SAMD3: variants seen among roughly 807,000 people sequenced by gnomAD.
The protein encoded by SAMD3 is sterile alpha motif domain containing 3, also known as sterile alpha motif domain-containing protein 3.
A neutral mutation model predicts 58.5 loss-of-function variants in SAMD3; 63 were observed. That is an observed-to-expected ratio of 1.08 (90% CI 0.88 to 1.33). SAMD3 has a LOEUF of 1.33. Among genes scored for constraint, SAMD3 ranks in the 40% most tolerant of loss-of-function variants. The pLI, the probability that SAMD3 is intolerant of heterozygous loss-of-function variation, is 0.00. For missense variants in SAMD3, 604 were observed against 608.4 expected (o/e 0.99, Z 0.08); for synonymous variants, 220 against 210.3 (o/e 1.05, Z -0.40).
intron 7 of SAMD3, among the ~76,000 whole-genome samples, chr6:130,179,789 A>T (rs1368043514): frequency 2.7e-5 from 4 of 149,146 alleles, no homozygotes; most frequent in African/African-American, 9.8e-5. Flanking sequence ...TATTGTGGTT[A>T]TATAAGAGAT....
At chr6:130,349,947 A>G (rs1777600222) in intron 1 of SAMD3, among the ~76,000 whole-genome samples, 1 of 152,242 alleles carries the variant, frequency 6.6e-6, no homozygotes, top group South Asian at 2.1e-4. Flanking sequence ...AATCCAGCAT[A>G]TAAACAGAAC....
chr6:130,336,432 T>C (rs1777103207), intron 1 of SAMD3, among the ~76,000 whole-genome samples: 1 of 152,178 alleles, frequency 6.6e-6, no homozygotes, highest in Non-Finnish European at 1.5e-5. Flanking sequence ...AAAGTTTTGT[T>C]CTAAAAAAAG....
chr6:130,349,352 A>G (rs1386831294), intron 1 of SAMD3, among the ~76,000 whole-genome samples: 1 of 152,202 alleles, frequency 6.6e-6, no homozygotes, highest in Non-Finnish European at 1.5e-5. Context: ...AAAGAAGAAA[A>G]GAGAGAAGAA....
At chr6:130,175,289 G>A (rs1791618452) in intron 8 of SAMD3, among the ~76,000 whole-genome samples, 1 of 152,306 alleles carries the variant, frequency 6.6e-6, no homozygotes, top group Non-Finnish European at 1.5e-5. Flanking sequence ...TGACCTCCCA[G>A]GTGCTGAGGG....
intron 2 of SAMD3, among the ~76,000 whole-genome samples, chr6:130,264,719 T>C (rs1774274719): frequency 6.6e-6 from 1 of 152,296 alleles, no homozygotes; most frequent in Non-Finnish European, 1.5e-5. Context: ...TGACAGTTAA[T>C]AAAAATGTAG....
At chr6:130,268,247 G>C (rs930201867) in intron 2 of SAMD3, among the ~76,000 whole-genome samples, 8 of 151,854 alleles carry the variant, frequency 5.3e-5, no homozygotes, top group African/African-American at 1.9e-4. Flanking sequence ...TACAGACTAA[G>C]GATACAAGAA....
intron 2 of SAMD3, among the ~76,000 whole-genome samples, chr6:130,281,096 C>T (rs929914498): frequency 1.3e-5 from 2 of 150,484 alleles, no homozygotes; most frequent in Non-Finnish European, 2.9e-5. Flanking sequence ...CAACAACATA[C>T]TGTAATGCAA....
intron 1 of SAMD3, among the ~76,000 whole-genome samples, chr6:130,338,238 G>T (rs896427651): frequency 6.6e-6 from 1 of 152,212 alleles, no homozygotes; most frequent in Non-Finnish European, 1.5e-5. Flanking sequence ...TCCAAGTAGT[G>T]TTTGGCCTTT....
chr6:130,145,380 A>G lies in SAMD3; in HGVS notation c.1238T>C (p.Phe413Ser), dbSNP rs1788527354. 4 of 1,611,926 alleles carry G rather than the reference A, an allele frequency of 2.5e-6. No individual in the cohort carries two copies. The highest frequency in any genetic ancestry group is 1.1e-5 in the South Asian group (1 of 90,766). ...TATCLLLPDV[F>S]GDDPSLFVIM... The stretch of plus-strand genomic sequence containing the variant: ...GACAAAAAGGCTGGGATCATCCCCA[A>G]AAACATCTGGGAGGAGTAAACATGT... The change falls in exon 11 of 12, where the codon TTT (phenylalanine) becomes TCT (serine). Residue 413 changes from phenylalanine to serine, a missense_variant. By Grantham distance (155) the Phe-to-Ser change is radical. Coordinates refer to ENST00000439090, the MANE Select transcript of SAMD3 (RefSeq NM_001017373.4).
chr6:130,328,445 C>G (rs1215948348), intron 1 of SAMD3, among the ~76,000 whole-genome samples: 1 of 152,174 alleles, frequency 6.6e-6, no homozygotes, highest in African/African-American at 2.4e-5. Context: ...ACTTATGTGC[C>G]ATCAATGCCC....
chr6:130,220,768 A>G (rs922969912), intron 1 of SAMD3, among the ~76,000 whole-genome samples: 1 of 152,254 alleles, frequency 6.6e-6, no homozygotes. Flanking sequence ...ATGTTATGCT[A>G]TTAACAGCAT....
At chr6:130,317,581 G>GA (rs1776424612) in intron 1 of SAMD3, among the ~76,000 whole-genome samples, 1 of 151,694 alleles carries the variant, frequency 6.6e-6, no homozygotes, top group Non-Finnish European at 1.5e-5. Context: ...TGGACTTAAA[G>GA]GATGAGTTGT....
At chr6:130,296,365 C>G (rs971720624) in intron 2 of SAMD3, among the ~76,000 whole-genome samples, 42 of 152,070 alleles carry the variant, frequency 2.8e-4, no homozygotes, top group Admixed American at 2.6e-3. Flanking sequence ...AACTCAGAGT[C>G]CATGGAAAGG....
At chr6:130,322,634 T>C (rs573091576) in intron 1 of SAMD3, among the ~76,000 whole-genome samples, 7 of 152,276 alleles carry the variant, frequency 4.6e-5, no homozygotes, top group African/African-American at 1.7e-4. Flanking sequence ...AGTGAGACTG[T>C]CTCAAAAAAC....
At chr6:130,194,106 T>C (rs988147935) in intron 5 of SAMD3, among the ~76,000 whole-genome samples, 5 of 152,200 alleles carry the variant, frequency 3.3e-5, no homozygotes, top group South Asian at 4.1e-4. Flanking sequence ...ACACCCAGTC[T>C]GGCTTACAGT....
rs534516003 is a variant in SAMD3, at chr6:130,265,895, G to A, written c.-187-43082C>T. On this transcript the variant is annotated intron_variant, in intron 2 of 13. Coordinates refer to the SAMD3 transcript ENST00000368134. ...AAAGAGGCTATATGGCAGAAAATAA[G>A]TACGTTTATCATAAATTAAGACTGT... Among the ~76,000 whole-genome samples the A allele has an allele frequency of 7.9e-5, 12 of 152,264 alleles. No individual in the cohort carries two copies. The South Asian group carries it at 2.3e-3, about 29-fold the overall frequency.
chr6:130,152,194 G>A (rs1789266454), intron 9 of SAMD3, among the ~76,000 whole-genome samples: 2 of 152,120 alleles, frequency 1.3e-5, no homozygotes, highest in African/African-American at 4.8e-5. Flanking sequence ...AGCAACAGGC[G>A]GTGGGGGTGG....
chr6:130,159,513 A>G (rs1425605511), intron 8 of SAMD3: 1 of 152,240 alleles, frequency 6.6e-6, no homozygotes, highest in Non-Finnish European at 1.5e-5. Flanking sequence ...TTACCTGGGC[A>G]TGAAAAGTTG....
intron 2 of SAMD3, among the ~76,000 whole-genome samples, chr6:130,302,824 G>T (rs144683987): frequency 9.2e-5 from 14 of 152,222 alleles, no homozygotes; most frequent in African/African-American, 3.4e-4. Context: ...TGCACAAACA[G>T]AAAATCAAGT....
Sources: gnomAD v4.1 joint callset for allele counts (sites outside exome capture counted in the v4.1 genomes callset) on GRCh38, gnomAD v4.1.1 for gene constraint, MANE v1.5 for transcripts, NCBI Gene and HGNC (gene_info 2026-07-23, HGNC 2026-07-21) for gene names.